MBTPS1: variants seen among roughly 807,000 people sequenced by gnomAD.
MBTPS1 encodes the protein membrane-bound transcription factor site-1 protease.
MBTPS1 carries 94 observed loss-of-function variants against 127.8 expected under a neutral mutation model. The ratio of observed to expected loss-of-function variants is 0.74; its 90% CI spans 0.62 to 0.87. MBTPS1 has a LOEUF of 0.87. MBTPS1 is among the 40% of genes least tolerant of loss of function. The probability of loss-of-function intolerance (pLI) is 0.00; values close to 1 mark genes in which losing one functional copy is unlikely to be tolerated. For synonymous variants in MBTPS1, 632 were observed against 509.4 expected, an observed-to-expected ratio of 1.24 and a Z score of -3.24; for missense variants, 1,636 against 1,353.2, an observed-to-expected ratio of 1.21 and a Z score of -3.28.
In MBTPS1 at chr16:84,062,738, T is replaced by C. The variant is rs189007304; in HGVS notation, c.2572+567A>G. ...ACCTCAAGCCCCCAAATCCAACGGATGCATCGAGAGACTGACATAAAGACG... is the reference window on the plus strand; with the variant it reads ...ACCTCAAGCCCCCAAATCCAACGGACGCATCGAGAGACTGACATAAAGACG... On this transcript the variant is annotated intron_variant, in intron 19 of 22. Transcript: ENST00000343411. Among the ~76,000 whole-genome samples the C allele has an allele frequency of 1.8e-4, 28 of 152,304 alleles. No homozygotes were observed. The East Asian group carries it at 5.4e-3, about 29-fold the overall frequency.
At chr16:84,060,632 G>A in intron 20 of MBTPS1, 50 bp downstream of exon 20, 1 of 1,592,028 alleles carries the variant, frequency 6.3e-7, no homozygotes, top group Non-Finnish European at 8.6e-7. Flanking sequence ...GTAGCATCAT[G>A]TTCAGCTGGA....
chr16:84,074,646 T>G lies in MBTPS1; in HGVS notation c.1544A>C (p.Asn515Thr). The G allele has an allele frequency of 6.2e-7, 1 of 1,614,186 alleles. No individual in the cohort carries two copies. The highest frequency in any genetic ancestry group is 8.5e-7 in the Non-Finnish European group (1 of 1,179,998). The change falls in exon 12 of 23, where the codon AAT becomes ACT. Residue 515 changes from asparagine (N) to threonine (T), a missense_variant. Coordinates refer to ENST00000343411, the MANE Select transcript of MBTPS1 (RefSeq NM_003791.4). ...TCCCATGCCGTTGAGGATGGTGACA[T>G]TAACAACTGTCGGCATTCCTCCATA... Reference protein sequence around the residue: ...IYYGGMPTVVNVTILNGMGVT... With the variant: ...IYYGGMPTVVTVTILNGMGVT...
intron 6 of MBTPS1, among the ~76,000 whole-genome samples, chr16:84,092,904 A>C (rs1485000266): frequency 2.6e-5 from 4 of 152,218 alleles, no homozygotes; most frequent in Non-Finnish European, 4.4e-5. Context: ...GGCCTGGGGA[A>C]GCCTGGAGGT....
At chr16:84,056,452 T>C (rs1054875868) in intron 21 of MBTPS1, 113 of 219,868 alleles carry the variant, frequency 5.1e-4, no homozygotes, top group African/African-American at 2.3e-3. Flanking sequence ...AGCGAGGCCC[T>C]GGAAGGAGCC....
intron 3 of MBTPS1, among the ~76,000 whole-genome samples, chr16:84,097,478 C>T (rs944970631): frequency 2.0e-5 from 3 of 152,194 alleles, no homozygotes; most frequent in African/African-American, 7.2e-5. Context: ...GGGCAAGTCT[C>T]CCCTCACAGG....
At chr16:84,070,066 C>A (rs149634074) in intron 13 of MBTPS1, 28 bp from the exon 14 acceptor site, 5 of 1,543,922 alleles carry the variant, frequency 3.2e-6, no homozygotes, top group East Asian at 4.6e-5. Context: ...AAACTTGAAA[C>A]GCCCTCATTG....
chr16:84,083,895 C>T (rs865987664), intron 10 of MBTPS1, among the ~76,000 whole-genome samples: 6 of 152,152 alleles, frequency 3.9e-5, no homozygotes, highest in East Asian at 1.9e-4. Context: ...TAAAGAAACA[C>T]GGGCCACCGA....
At chr16:84,081,369 G>C (rs146842705) in intron 11 of MBTPS1, among the ~76,000 whole-genome samples, 2 of 152,204 alleles carry the variant, frequency 1.3e-5, no homozygotes, top group African/African-American at 4.8e-5. Flanking sequence ...TTTAACAGCT[G>C]TACTCCACTC....
chr16:84,060,817 C>T lies in MBTPS1; in HGVS notation c.2573-4G>A, dbSNP rs371406385. 120 of 1,568,088 alleles carry T rather than the reference C, an allele frequency of 7.7e-5. No individual in the cohort carries two copies. The highest frequency in any genetic ancestry group is 9.6e-5 in the Non-Finnish European group (111 of 1,156,650). ...GCATCCAGAAGCCAAAAGCAGTCTG[C>T]GAAGTCAACAAGCCTGTTTAGGAAT... On this transcript the variant is annotated splice_polypyrimidine_tract_variant and splice_region_variant and intron_variant, in intron 19 of 22. Coordinates refer to ENST00000343411, the MANE Select transcript of MBTPS1 (RefSeq NM_003791.4).
chr16:84,078,579 A>G (rs966694280), intron 11 of MBTPS1, among the ~76,000 whole-genome samples: 1 of 152,260 alleles, frequency 6.6e-6, no homozygotes, highest in African/African-American at 2.4e-5. Context: ...AACACCTCCA[A>G]CAAAACTAAG....
intron 16 of MBTPS1, among the ~76,000 whole-genome samples, chr16:84,067,033 T>C (rs2085695028): frequency 6.6e-6 from 1 of 152,154 alleles, no homozygotes; most frequent in Non-Finnish European, 1.5e-5. Context: ...AAGGACATTA[T>C]TCCCTTTGAG....
At chr16:84,100,075 C>G (rs530151370) in intron 2 of MBTPS1, among the ~76,000 whole-genome samples, 4 of 152,330 alleles carry the variant, frequency 2.6e-5, no homozygotes, top group Non-Finnish European at 5.9e-5. Flanking sequence ...CTGCACCTCC[C>G]AGCTCCCCAC....
At position 84,099,126 on chromosome 16, in the gene MBTPS1, T is replaced by C. The variant is rs567699559; in HGVS notation, c.348A>G (p.Thr116=). The C allele has an allele frequency of 1.2e-6, 2 of 1,614,080 alleles. No individual in the cohort carries two copies. Among genetic ancestry groups the C allele is most frequent in the East Asian group, 4.5e-5 (2 of 44,892 alleles). ...IKEKQKAGLL[T]LEDHPNIKRV... ...GTTTGATGTTTGGATGATCTTCAAG[T>C]GTTAGCAGCCCCGCTTTCTGTTTTT... is the stretch of plus-strand genomic sequence containing the variant. Residue 116 remains threonine, a synonymous_variant, in exon 3 of 23, where the codon ACA becomes ACG. Transcript: ENST00000343411.
chr16:84,102,813 T>C (rs2086275610), intron 1 of MBTPS1, among the ~76,000 whole-genome samples: 1 of 152,272 alleles, frequency 6.6e-6, no homozygotes, highest in African/African-American at 2.4e-5. Flanking sequence ...CACTATGCTT[T>C]AATATTACAT....
At position 84,056,072 on chromosome 16, in the gene MBTPS1, A is replaced by T. The variant is rs374694028; in HGVS notation, c.2895T>A (p.Phe965Leu). Residue 965 changes from phenylalanine to leucine, a missense_variant, in exon 22 of 23, where the codon TTT becomes TTA. Phe to Leu is a conservative substitution (Grantham distance 22). Transcript: ENST00000343411. ...IDLDKVVLPN[F>L]RSNRPQVRPL... ...GCCTCACTTGAGGGCGATTCGATCGAAAGTTGGGTAACACCACCTTGTCCA... is the reference window on the plus strand; with the variant it reads ...GCCTCACTTGAGGGCGATTCGATCGTAAGTTGGGTAACACCACCTTGTCCA... 1.9e-6 allele frequency: 3 copies of T among 1,614,038 alleles called. No individual in the cohort carries two copies. Among genetic ancestry groups the T allele is most frequent in the Admixed American group, 1.7e-5 (1 of 60,012 alleles).
chr16:84,100,108 T>C (rs2151167976), intron 2 of MBTPS1, among the ~76,000 whole-genome samples: 1 of 152,346 alleles, frequency 6.6e-6, no homozygotes, highest in East Asian at 1.9e-4. Context: ...CAATGGCACC[T>C]GTTCCAAAGA....
intron 9 of MBTPS1, chr16:84,086,658 T>C (rs1018705553): frequency 3.3e-5 from 5 of 152,282 alleles, no homozygotes; most frequent in Non-Finnish European, 1.5e-5. Context: ...CAGGGACTTA[T>C]CTGAGGCCTC....
At chr16:84,063,842 A>G (rs189147963) in intron 18 of MBTPS1, among the ~76,000 whole-genome samples, 21 of 152,370 alleles carry the variant, frequency 1.4e-4, no homozygotes, top group African/African-American at 4.6e-4. Flanking sequence ...AGATCTTGCT[A>G]AACACACAGG....
chr16:84,092,867 A>G (rs2086128505), intron 6 of MBTPS1, among the ~76,000 whole-genome samples: 1 of 152,220 alleles, frequency 6.6e-6, no homozygotes, highest in Non-Finnish European at 1.5e-5. Flanking sequence ...CTGTTCTATC[A>G]TGCAGACAAC....
Sources: allele counts gnomAD v4.1 joint callset (sites outside exome capture counted in the v4.1 genomes callset), GRCh38; gene constraint gnomAD v4.1.1; transcripts MANE v1.5; gene names NCBI Gene and HGNC (gene_info 2026-07-23, HGNC 2026-07-21).